The following SMG6 variants were observed in gnomAD, a reference collection of about 807,000 sequenced individuals.
SMG6 encodes the protein SMG6 nonsense mediated mRNA decay factor.
In SMG6, 66 loss-of-function variants were observed where a neutral mutation model predicts 142.2. The observed-to-expected ratio is 0.46, with a 90% CI of 0.38 to 0.57. The LOEUF (loss-of-function observed/expected upper bound fraction) is 0.57, where lower values mean the gene tolerates loss of function less well. Ranked by LOEUF, SMG6 falls within the 20% of genes least tolerant of loss-of-function variation. SMG6 has a pLI of 0.00. For missense variants in SMG6, 1,793 were observed against 1,832.0 expected (o/e 0.98, Z 0.39); for synonymous variants, 779 against 702.4 (o/e 1.11, Z -1.72).
intron 13 of SMG6, among the ~76,000 whole-genome samples, chr17:2,166,610 C>T (rs1324195178): frequency 6.6e-6 from 1 of 152,090 alleles, no homozygotes; most frequent in East Asian, 1.9e-4. Context: ...GGTGTAATAC[C>T]ATCAACCCTG....
chr17:2,144,734 G>A (rs1489994840), intron 13 of SMG6, among the ~76,000 whole-genome samples: 1 of 152,074 alleles, frequency 6.6e-6, no homozygotes, highest in East Asian at 1.9e-4. Context: ...TGCTGCTCAA[G>A]GTTTTTCAGA....
chr17:2,124,772 G>C (rs2069817631), intron 13 of SMG6, among the ~76,000 whole-genome samples: 1 of 152,170 alleles, frequency 6.6e-6, no homozygotes, highest in Non-Finnish European at 1.5e-5. Flanking sequence ...AAAACGAATG[G>C]ACACTGAAAG....
intron 8 of SMG6, 143 bp downstream of exon 8, chr17:2,282,503 GA>G (rs2074810691): frequency 1.4e-6 from 1 of 719,558 alleles, no homozygotes; most frequent in Non-Finnish European, 2.4e-6. Flanking sequence ...GCGTACATGA[GA>G]AGGGAAAAGA....
chr17:2,153,532 T>G (rs2070890013), intron 13 of SMG6, among the ~76,000 whole-genome samples: 1 of 152,226 alleles, frequency 6.6e-6, no homozygotes, highest in South Asian at 2.1e-4. Flanking sequence ...TAAGAGTCTC[T>G]ATGGCACAGG....
intron 10 of SMG6, among the ~76,000 whole-genome samples, chr17:2,206,686 G>A (rs546905884): frequency 1.3e-5 from 2 of 152,142 alleles, no homozygotes; most frequent in South Asian, 2.1e-4. Flanking sequence ...TTCAAGACCA[G>A]AGGCCAGCCT....
chr17:2,124,704 G>A lies in SMG6; in HGVS notation c.3358-38803C>T, dbSNP rs138231333. Among the ~76,000 whole-genome samples, 94 of 152,260 alleles carry A rather than the reference G, an allele frequency of 6.2e-4. No homozygotes were observed. In the East Asian group the frequency reaches 0.017, roughly 27 times the overall value. ...GCTGGGGAAGGGGCAGCAGGGAGAC[G>A]GAACAGTACTAAGGACACAGGTCTT... On this transcript the variant is annotated intron_variant, in intron 13 of 18. Coordinates refer to ENST00000263073, the MANE Select transcript of SMG6 (RefSeq NM_017575.5).
chr17:2,109,374 G>A (rs1003097585), intron 13 of SMG6, among the ~76,000 whole-genome samples: 7 of 151,884 alleles, frequency 4.6e-5, no homozygotes, highest in East Asian at 3.9e-4. Context: ...AGTGATTCTC[G>A]TGCCTCAGCC....
At chr17:2,270,069 C>T (rs887845903) in intron 8 of SMG6, among the ~76,000 whole-genome samples, 2 of 152,138 alleles carry the variant, frequency 1.3e-5, no homozygotes, top group Non-Finnish European at 2.9e-5. Context: ...GAACTCAGGA[C>T]TTTCCAAAGC....
At chr17:2,061,890 C>T (rs2067791905) in intron 18 of SMG6, 3 of 416,280 alleles carry the variant, frequency 7.2e-6, no homozygotes, top group Middle Eastern at 7.4e-4. Flanking sequence ...TGCCCAAACC[C>T]GTCAGCCTCC....
rs375362611 is a variant in SMG6 at position 2,242,269 on chromosome 17, T to C, written c.2723+2389A>G. Among the ~76,000 whole-genome samples, 10 of 151,132 alleles carry C rather than the reference T, an allele frequency of 6.6e-5. 1 individual carries two copies. Among genetic ancestry groups the C allele is most frequent in the Admixed American group, 4.0e-4 (6 of 15,130 alleles). ...GGCTCACACCTGTAATCCCAGCACT[T>C]TGGGAGGCTGAGGCGGGTGGACCAC... On this transcript the variant is annotated intron_variant, in intron 9 of 18. Coordinates refer to ENST00000263073, the MANE Select transcript of SMG6 (RefSeq NM_017575.5).
intron 8 of SMG6, among the ~76,000 whole-genome samples, chr17:2,250,114 G>C (rs1190683410): frequency 6.6e-6 from 1 of 152,170 alleles, no homozygotes; most frequent in African/African-American, 2.4e-5. Context: ...TTGTGTCTAA[G>C]GGCTTGGTGA....
intron 7 of SMG6, among the ~76,000 whole-genome samples, chr17:2,283,390 A>G (rs1479663314): frequency 6.6e-6 from 1 of 152,196 alleles, no homozygotes; most frequent in East Asian, 1.9e-4. Flanking sequence ...GCTCTCCTGA[A>G]GATCACAGTT....
At chr17:2,188,563 C>A (rs2072064790) in intron 10 of SMG6, 48 bp from the exon 11 acceptor site, 1 of 1,522,212 alleles carries the variant, frequency 6.6e-7, no homozygotes, top group Admixed American at 1.7e-5. Context: ...GGACAAGATG[C>A]ACATCACTGG....
At chr17:2,283,438 C>T (rs983570477) in intron 7 of SMG6, among the ~76,000 whole-genome samples, 187 bp downstream of exon 7, 4 of 152,308 alleles carry the variant, frequency 2.6e-5, no homozygotes, top group Middle Eastern at 3.4e-3. Context: ...CCCACCAGCA[C>T]AGTCTGATGG....
chr17:2,266,855 C>G (rs2074432693), intron 8 of SMG6, among the ~76,000 whole-genome samples: 1 of 152,328 alleles, frequency 6.6e-6, no homozygotes, highest in African/African-American at 2.4e-5. Flanking sequence ...GACAAAGCAG[C>G]CCCAATCCTT....
At chr17:2,079,431 G>C (rs1432383254) in intron 15 of SMG6, among the ~76,000 whole-genome samples, 1 of 151,954 alleles carries the variant, frequency 6.6e-6, no homozygotes, top group African/African-American at 2.4e-5. Context: ...TCAAGAGATT[G>C]AGACCATCCT....
chr17:2,141,303 G>GA (rs1381687600), intron 13 of SMG6, among the ~76,000 whole-genome samples: 1 of 152,184 alleles, frequency 6.6e-6, no homozygotes, highest in Non-Finnish European at 1.5e-5. Context: ...TTAGCTTAGA[G>GA]AAAAGAAAAC....
At chr17:2,205,960 C>G (rs2072667463) in intron 10 of SMG6, among the ~76,000 whole-genome samples, 1 of 152,142 alleles carries the variant, frequency 6.6e-6, no homozygotes, top group East Asian at 1.9e-4. Context: ...AGATGTGTGC[C>G]ACCATGTCTG....
intron 10 of SMG6, among the ~76,000 whole-genome samples, chr17:2,234,846 A>G (rs2073604500): frequency 6.6e-6 from 1 of 152,166 alleles, no homozygotes; most frequent in African/African-American, 2.4e-5. Flanking sequence ...AGCTGGGATT[A>G]CAGGTGCCCA....
Sources: allele counts gnomAD v4.1 joint callset (sites outside exome capture counted in the v4.1 genomes callset), GRCh38; gene constraint gnomAD v4.1.1; transcripts MANE v1.5; gene names NCBI Gene and HGNC (gene_info 2026-07-23, HGNC 2026-07-21).